CSMD1: variants seen among roughly 807,000 people sequenced by gnomAD.
CSMD1 encodes the protein CUB and sushi domain-containing protein 1.
In CSMD1, 213 loss-of-function variants were observed where a neutral mutation model predicts 417.5. The observed-to-expected ratio is 0.51, with a 90% CI of 0.46 to 0.57. CSMD1 has a LOEUF of 0.57. Among genes scored for constraint, CSMD1 ranks in the 20% least tolerant of loss-of-function variants. The pLI, the probability that CSMD1 is intolerant of heterozygous loss-of-function variation, is 0.00. For missense variants in CSMD1, 6,923 were observed against 4,529.7 expected (o/e 1.53, Z -15.17); for synonymous variants, 2,862 against 1,736.8 (o/e 1.65, Z -16.11).
intron 1 of CSMD1, among the ~76,000 whole-genome samples, chr8:4,802,473 G>A (rs749037209): frequency 6.6e-5 from 10 of 151,712 alleles, no homozygotes; most frequent in Admixed American, 1.3e-4. Context: ...AACAAACCAC[G>A]AAATCAAACA....
chr8:4,843,176 C>A (rs1216191895), intron 1 of CSMD1, among the ~76,000 whole-genome samples: 1 of 152,156 alleles, frequency 6.6e-6, no homozygotes, highest in East Asian at 1.9e-4. Flanking sequence ...TGGGCAGGAA[C>A]ATTCCAAACC....
chr8:3,335,957 G>C (rs1374617959), intron 23 of CSMD1, among the ~76,000 whole-genome samples: 4 of 152,170 alleles, frequency 2.6e-5, no homozygotes, highest in Non-Finnish European at 4.4e-5. Context: ...AGCGCTTGTA[G>C]ATTTTTATTT....
intron 1 of CSMD1, among the ~76,000 whole-genome samples, chr8:4,824,671 A>G (rs965237720): frequency 6.6e-6 from 1 of 152,166 alleles, no homozygotes; most frequent in African/African-American, 2.4e-5. Context: ...GAAAGTGACA[A>G]TTTTTGCGTA....
At chr8:4,470,086 G>A (rs1585130064) in intron 2 of CSMD1, among the ~76,000 whole-genome samples, 1 of 152,116 alleles carries the variant, frequency 6.6e-6, no homozygotes, top group East Asian at 1.9e-4. Context: ...TAGCCAGGAT[G>A]GTCTCGATCT....
intron 5 of CSMD1, among the ~76,000 whole-genome samples, chr8:3,934,846 CAATA>C (rs1199856531): frequency 1.8e-4 from 28 of 152,002 alleles, no homozygotes; most frequent in Admixed American, 1.8e-3. Context: ...GACTCTGTCT[CAATA>C]AATAAATTAA....
At chr8:4,335,379 A>G (rs1007014840) in intron 3 of CSMD1, among the ~76,000 whole-genome samples, 2 of 152,120 alleles carry the variant, frequency 1.3e-5, no homozygotes, top group Non-Finnish European at 2.9e-5. Flanking sequence ...GGATATACAC[A>G]TCTTCTGAAT....
chr8:3,177,203 G>T (rs867767819), intron 37 of CSMD1, among the ~76,000 whole-genome samples: 2 of 152,070 alleles, frequency 1.3e-5, no homozygotes, highest in African/African-American at 2.4e-5. Flanking sequence ...ACCAACTGTC[G>T]CAAGTGGAGC....
intron 20 of CSMD1, among the ~76,000 whole-genome samples, chr8:3,361,649 C>T (rs1244946309): frequency 9.8e-5 from 3 of 30,706 alleles, no homozygotes; most frequent in Non-Finnish European, 1.8e-4. Flanking sequence ...AAGATTCCAT[C>T]TCAAAAAAAA....
chr8:3,974,182 T>A (rs78244117), intron 5 of CSMD1, among the ~76,000 whole-genome samples: 6,657 of 152,186 alleles, frequency 0.044, 179 homozygotes, highest in Middle Eastern at 0.071. Context: ...ACCCCCACAG[T>A]TTATTAGCTG....
intron 2 of CSMD1, among the ~76,000 whole-genome samples, chr8:4,635,231 A>G (rs1413639590): frequency 2.6e-5 from 4 of 152,130 alleles, no homozygotes; most frequent in Non-Finnish European, 5.9e-5. Flanking sequence ...TGTACATACA[A>G]CTCACAATAA....
chr8:3,958,025 T>C (rs556909782), intron 5 of CSMD1, among the ~76,000 whole-genome samples: 3 of 152,318 alleles, frequency 2.0e-5, no homozygotes, highest in East Asian at 1.9e-4. Flanking sequence ...AGACAACTAA[T>C]AGAATATCAT....
intron 3 of CSMD1, among the ~76,000 whole-genome samples, chr8:4,053,824 G>A (rs1169079804): frequency 6.6e-6 from 1 of 152,006 alleles, no homozygotes; most frequent in African/African-American, 2.4e-5. Flanking sequence ...TTACAAAAAT[G>A]TTCAGTAGCT....
At chr8:3,233,457 C>T (rs529881835) in intron 26 of CSMD1, among the ~76,000 whole-genome samples, 1 of 152,158 alleles carries the variant, frequency 6.6e-6, no homozygotes, top group South Asian at 2.1e-4. Context: ...TATTTATTTT[C>T]TTTATAAATT....
At chr8:3,546,028 A>T (rs1798644627) in intron 10 of CSMD1, among the ~76,000 whole-genome samples, 1 of 152,260 alleles carries the variant, frequency 6.6e-6, no homozygotes, top group Non-Finnish European at 1.5e-5. Flanking sequence ...GATTTCTCTA[A>T]TAAACCAAAA....
chr8:4,951,336 T>C (rs964396285), intron 1 of CSMD1, among the ~76,000 whole-genome samples: 12 of 152,052 alleles, frequency 7.9e-5, no homozygotes, highest in Non-Finnish European at 1.6e-4. Context: ...ATATTTCTAT[T>C]ACTTGAGCTA....
intron 7 of CSMD1, among the ~76,000 whole-genome samples, chr8:3,656,333 T>A (rs1798103858): frequency 6.6e-6 from 1 of 152,180 alleles, no homozygotes; most frequent in African/African-American, 2.4e-5. Flanking sequence ...AGCACTACTT[T>A]CCTAGAAAAG....
At chr8:4,367,012 G>C (rs1305024428) in intron 3 of CSMD1, among the ~76,000 whole-genome samples, 1 of 152,092 alleles carries the variant, frequency 6.6e-6, no homozygotes, top group African/African-American at 2.4e-5. Context: ...TTACTCTGTT[G>C]ATAACTTCTT....
At chr8:4,863,082 T>C (rs751497515) in intron 1 of CSMD1, among the ~76,000 whole-genome samples, 5 of 152,056 alleles carry the variant, frequency 3.3e-5, no homozygotes, top group South Asian at 2.1e-4. Flanking sequence ...AACACTGTTA[T>C]AGTAGCCGGA....
chr8:3,686,181 C>T (rs1455340204), intron 7 of CSMD1, among the ~76,000 whole-genome samples: 1 of 151,966 alleles, frequency 6.6e-6, no homozygotes, highest in Non-Finnish European at 1.5e-5. Flanking sequence ...TGAAATTAAG[C>T]TTGGGCTTGT....
Sources: allele counts gnomAD v4.1 joint callset (sites outside exome capture counted in the v4.1 genomes callset), GRCh38; gene constraint gnomAD v4.1.1; transcripts MANE v1.5; gene names NCBI Gene and HGNC (gene_info 2026-07-23, HGNC 2026-07-21).